The following MYO1H variants were observed in gnomAD, a reference collection of about 807,000 sequenced individuals.
MYO1H encodes the protein unconventional myosin-Ih.
MYO1H carries 118 observed loss-of-function variants against 149.3 expected under a neutral mutation model. The ratio of observed to expected loss-of-function variants is 0.79; its 90% CI spans 0.68 to 0.92. The LOEUF (loss-of-function observed/expected upper bound fraction) is 0.92, where lower values mean the gene tolerates loss of function less well. MYO1H is among the 40% of genes least tolerant of loss of function. MYO1H has a pLI of 0.00. For synonymous variants in MYO1H, 447 were observed against 465.2 expected, an observed-to-expected ratio of 0.96 and a Z score of 0.50; for missense variants, 1,212 against 1,280.7, an observed-to-expected ratio of 0.95 and a Z score of 0.82.
At chr12:109,434,985 C>G (rs1871795487) in intron 20 of MYO1H, 52 bp from the exon 21 acceptor site, 1 of 1,189,266 alleles carries the variant, frequency 8.4e-7, no homozygotes, top group Admixed American at 2.1e-5. Flanking sequence ...GTTCAACCCA[C>G]TAGATGGTAA....
intron 1 of MYO1H, among the ~76,000 whole-genome samples, chr12:109,383,699 A>G (rs1869249467): frequency 6.6e-6 from 1 of 152,250 alleles, no homozygotes; most frequent in Admixed American, 6.5e-5. Flanking sequence ...GGCCGGAAGT[A>G]GTCAAGCAAC....
chr12:109,342,542 T>C, the MYO1H span, among the ~76,000 whole-genome samples: 70 of 36,188 alleles, frequency 1.9e-3, no homozygotes, highest in African/African-American at 5.5e-3. Flanking sequence ...TTCAGGAGAC[T>C]TTTTTTTTTT....
At chr12:109,318,429 G>A in the MYO1H span, among the ~76,000 whole-genome samples, 1 of 152,128 alleles carries the variant, frequency 6.6e-6, no homozygotes, top group Admixed American at 6.5e-5. Flanking sequence ...AACAGAGTAT[G>A]GAGAGGAATA....
At chr12:109,373,433 C>G (rs1405902546) in intron 1 of MYO1H, among the ~76,000 whole-genome samples, 3 of 151,804 alleles carry the variant, frequency 2.0e-5, no homozygotes, top group African/African-American at 7.3e-5. Context: ...TGATCAAATG[C>G]TTTTTTAAAA....
intron 23 of MYO1H, among the ~76,000 whole-genome samples, chr12:109,439,321 C>T (rs1195094992): frequency 5.9e-5 from 9 of 152,134 alleles, no homozygotes; most frequent in African/African-American, 1.9e-4. Flanking sequence ...TCAAATGATC[C>T]GCCTGCCTCA....
chr12:109,419,055 G>A (rs1199625431), intron 15 of MYO1H, among the ~76,000 whole-genome samples: 2 of 152,150 alleles, frequency 1.3e-5, no homozygotes, highest in Admixed American at 6.6e-5. Context: ...TGACAGCACA[G>A]AAAGGAACAA....
At chr12:109,424,625 C>T in intron 16 of MYO1H, 123 bp from the exon 17 acceptor site, 1 of 656,544 alleles carries the variant, frequency 1.5e-6, no homozygotes, top group Non-Finnish European at 2.7e-6. Context: ...ACATTAGGAA[C>T]ATCTTCAAGC....
the MYO1H span, among the ~76,000 whole-genome samples, chr12:109,333,042 G>A: frequency 9.7e-4 from 147 of 152,258 alleles, no homozygotes; most frequent in African/African-American, 3.3e-3. Flanking sequence ...TAAAAACGCC[G>A]GGTGCCATGG....
At chr12:109,374,122 G>A (rs1869044361) in intron 1 of MYO1H, among the ~76,000 whole-genome samples, 1 of 152,232 alleles carries the variant, frequency 6.6e-6, no homozygotes, top group Non-Finnish European at 1.5e-5. Context: ...TGATCAGCAC[G>A]TGATGGATTC....
intron 3 of MYO1H, among the ~76,000 whole-genome samples, chr12:109,395,003 T>C (rs1319990886): frequency 6.6e-6 from 1 of 152,190 alleles, no homozygotes; most frequent in African/African-American, 2.4e-5. Flanking sequence ...GCTCAAGCGA[T>C]CTGCCTGCCT....
At chr12:109,443,643 C>A (rs1872346476) in exon 28 of MYO1H, 2 of 1,613,662 alleles carry the variant, frequency 1.2e-6, no homozygotes, top group East Asian at 4.5e-5. Context: ...GTACTCAGCT[C>A]TCAAAGGTAA....
chr12:109,329,691 T>C, the MYO1H span, among the ~76,000 whole-genome samples: 1 of 152,232 alleles, frequency 6.6e-6, no homozygotes. Context: ...CTTTCACTTA[T>C]TCAACTAATA....
chr12:109,396,393 A>T, exon 4 of MYO1H: 1 of 1,608,280 alleles, frequency 6.2e-7, no homozygotes, highest in South Asian at 1.1e-5. Context: ...GCTACGCTAT[A>T]GCCGACAACG....
intron 1 of MYO1H, among the ~76,000 whole-genome samples, chr12:109,348,222 A>G (rs1344360542): frequency 1.3e-5 from 2 of 152,236 alleles, no homozygotes; most frequent in Non-Finnish European, 2.9e-5. Context: ...TTCATTTCAC[A>G]TTGGTCTAGA....
At chr12:109,354,482 T>C (rs1868537101) in intron 1 of MYO1H, 1 of 151,138 alleles carries the variant, frequency 6.6e-6, no homozygotes, top group Non-Finnish European at 1.5e-5. Flanking sequence ...TAGCTGAGTG[T>C]GGTGGCACGC....
At chr12:109,426,165 G>A in intron 18 of MYO1H, 114 bp downstream of exon 18, 1 of 725,474 alleles carries the variant, frequency 1.4e-6, no homozygotes, top group Non-Finnish European at 2.5e-6. Context: ...ATGTCCTCTG[G>A]ATGTGAATCA....
the MYO1H span, among the ~76,000 whole-genome samples, chr12:109,330,186 G>A: frequency 1.3e-5 from 2 of 152,114 alleles, no homozygotes; most frequent in Non-Finnish European, 2.9e-5. Context: ...GAGGGTATAT[G>A]GAACTGCCTG....
In MYO1H at chr12:109,421,300, C is replaced by T. The variant is rs370148457; in HGVS notation, c.1644+273C>T. On this transcript the variant is annotated intron_variant, in intron 16 of 31. Coordinates refer to ENST00000310903, the Ensembl canonical transcript of MYO1H. ...CCGAACAAGATGGAGCTCTTATTCT[C>T]GTGGGGCTTACAGTCAGGAGTTGGG... 4.6e-5 allele frequency among the ~76,000 whole-genome samples: 7 copies of T among 151,778 alleles called. No individual in the cohort carries two copies. In the South Asian group the frequency reaches 1.5e-3, roughly 32 times the overall value.
chr12:109,427,909 A>AAAAAAAAT (rs1555254298), intron 19 of MYO1H, among the ~76,000 whole-genome samples: 1 of 16,422 alleles, frequency 6.1e-5, no homozygotes, highest in African/African-American at 3.1e-4. Context: ...AAAAAAAAAA[A>AAAAAAAAT]ATATATATAT....
Sources: allele counts gnomAD v4.1 joint callset (sites outside exome capture counted in the v4.1 genomes callset), GRCh38; gene constraint gnomAD v4.1.1; transcripts MANE v1.5; gene names NCBI Gene and HGNC (gene_info 2026-07-23, HGNC 2026-07-21).